Variants in TRAPPC9 observed in about 807,000 individuals in gnomAD.
TRAPPC9 encodes trafficking protein particle complex subunit 9, also known as IKK2 binding protein.
TRAPPC9 carries 83 observed loss-of-function variants against 124.0 expected under a neutral mutation model. That is an observed-to-expected ratio of 0.67 (90% CI 0.56 to 0.80). The LOEUF (loss-of-function observed/expected upper bound fraction) is 0.80. TRAPPC9 is among the 30% of genes least tolerant of loss of function. The pLI, the probability that TRAPPC9 is intolerant of heterozygous loss-of-function variation, is 0.00. For missense variants in TRAPPC9, 1,302 were observed against 1,508.3 expected (o/e 0.86, Z 2.27); for synonymous variants, 638 against 617.5 (o/e 1.03, Z -0.49).
chr8:139,920,673 G>A (rs1011787483), intron 19 of TRAPPC9, among the ~76,000 whole-genome samples: 1 of 152,242 alleles, frequency 6.6e-6, no homozygotes, highest in Non-Finnish European at 1.5e-5. Flanking sequence ...GAGAACCAGA[G>A]TGTTTCCTTG....
chr8:140,158,037 G>C (rs1415689722), intron 17 of TRAPPC9, among the ~76,000 whole-genome samples: 3 of 152,022 alleles, frequency 2.0e-5, no homozygotes, highest in Admixed American at 6.6e-5. Flanking sequence ...CATTTATGTT[G>C]CTTCTGATAA....
chr8:140,036,800 C>T (rs945641765), intron 17 of TRAPPC9, among the ~76,000 whole-genome samples: 22 of 152,090 alleles, frequency 1.4e-4, no homozygotes, highest in African/African-American at 4.8e-4. Context: ...TAAGATGCCG[C>T]GTGTGTGTTT....
intron 14 of TRAPPC9, among the ~76,000 whole-genome samples, chr8:140,283,003 C>T (rs1168964703): frequency 6.6e-6 from 1 of 151,972 alleles, no homozygotes; most frequent in Non-Finnish European, 1.5e-5. Context: ...TTTGGGAGGC[C>T]AAGATGGGTG....
Position 139,910,140 on chromosome 8 carries a change from AG to A in TRAPPC9, c.2964+6del. On this transcript the variant is annotated splice_donor_region_variant and intron_variant, in intron 20 of 22. Transcript: ENST00000438773. ...CCCAGGCCCAGGTGGCCCCTGGAAA[AG>A]GATATGATTCTCCAGCAGATGCCCA... 1 of 1,613,692 alleles carries A rather than the reference AG, an allele frequency of 6.2e-7. No homozygotes were observed. Among genetic ancestry groups the A allele is most frequent in the South Asian group, 1.1e-5 (1 of 91,082 alleles).
chr8:139,789,555 T>C (rs1203505932), intron 21 of TRAPPC9, among the ~76,000 whole-genome samples: 1 of 152,160 alleles, frequency 6.6e-6, no homozygotes, highest in Non-Finnish European at 1.5e-5. Flanking sequence ...GAGCTTCCTA[T>C]GGGCCCAGCA....
intron 19 of TRAPPC9, among the ~76,000 whole-genome samples, chr8:139,911,898 C>T (rs1563916436): frequency 6.6e-6 from 1 of 152,032 alleles, no homozygotes; most frequent in Non-Finnish European, 1.5e-5. Flanking sequence ...TCCACGACAG[C>T]TTGGGAAAGA....
At chr8:139,875,783 C>T (rs1383487306) in intron 21 of TRAPPC9, among the ~76,000 whole-genome samples, 1 of 152,272 alleles carries the variant, frequency 6.6e-6, no homozygotes, top group Non-Finnish European at 1.5e-5. Context: ...CCACCCAGTT[C>T]ACCTGCCCCA....
At chr8:140,076,498 G>C (rs1178988639) in intron 17 of TRAPPC9, among the ~76,000 whole-genome samples, 1 of 152,250 alleles carries the variant, frequency 6.6e-6, no homozygotes, top group African/African-American at 2.4e-5. Context: ...GTCAAAGGAA[G>C]AGTGCAGAGG....
At chr8:139,771,038 A>G (rs529099997) in intron 21 of TRAPPC9, among the ~76,000 whole-genome samples, 1 of 152,252 alleles carries the variant, frequency 6.6e-6, no homozygotes, top group South Asian at 2.1e-4. Context: ...GGACGCCAAC[A>G]TGCTGGAGAC....
intron 21 of TRAPPC9, among the ~76,000 whole-genome samples, chr8:139,853,421 C>T (rs1307007578): frequency 6.6e-6 from 1 of 152,316 alleles, no homozygotes; most frequent in East Asian, 1.9e-4. Context: ...ATCTTATTCA[C>T]CAAAGAGACT....
intron 21 of TRAPPC9, among the ~76,000 whole-genome samples, chr8:139,792,545 G>A (rs1038591901): frequency 3.9e-5 from 6 of 152,158 alleles, no homozygotes; most frequent in African/African-American, 7.2e-5. Flanking sequence ...GGTGGCAGAC[G>A]CCTGGATGTG....
intron 15 of TRAPPC9, among the ~76,000 whole-genome samples, chr8:140,273,088 C>G (rs1588068045): frequency 1.3e-5 from 2 of 152,278 alleles, no homozygotes; most frequent in African/African-American, 4.8e-5. Flanking sequence ...AACAGTAGGG[C>G]CAGACAGTGC....
intron 9 of TRAPPC9, among the ~76,000 whole-genome samples, chr8:140,327,074 G>A (rs1327800299): frequency 1.3e-5 from 2 of 152,086 alleles, no homozygotes; most frequent in African/African-American, 4.8e-5. Context: ...CCAATATGGT[G>A]AAACCCCGTC....
rs780515550 is a variant in TRAPPC9, at chr8:140,242,890, G to T, written c.2431+9887C>A. On this transcript the variant is annotated intron_variant, in intron 16 of 22. Coordinates refer to ENST00000438773, the MANE Select transcript of TRAPPC9 (RefSeq NM_001160372.4). ...GGATGAGTAAGTGGCAACCACGGAG[G>T]GGGAGGGAGGTTAAAAGCCTGATTT... Among the ~76,000 whole-genome samples the T allele has an allele frequency of 1.2e-3, 183 of 152,200 alleles. 2 individuals carry two copies. The highest frequency in any genetic ancestry group is 1.5e-3 in the Non-Finnish European group (103 of 68,028).
intron 17 of TRAPPC9, among the ~76,000 whole-genome samples, chr8:140,136,653 T>C (rs1365780619): frequency 6.6e-6 from 1 of 152,096 alleles, no homozygotes; most frequent in Non-Finnish European, 1.5e-5. Context: ...GCCTGGCCAA[T>C]ACGGTGAAAC....
intron 19 of TRAPPC9, among the ~76,000 whole-genome samples, chr8:139,955,159 CCACCAGCTG>C (rs1000333610): frequency 1.2e-4 from 18 of 152,102 alleles, no homozygotes; most frequent in African/African-American, 4.3e-4. Flanking sequence ...AAAGCCTCTG[CCACCAGCTG>C]CACCAGCCAT....
chr8:139,843,581 C>T (rs555362980), intron 21 of TRAPPC9, among the ~76,000 whole-genome samples: 1 of 152,252 alleles, frequency 6.6e-6, no homozygotes, highest in Non-Finnish European at 1.5e-5. Context: ...CAGGTGAGCC[C>T]CACGTAATCA....
At chr8:139,799,355 G>A (rs1258201533) in intron 21 of TRAPPC9, among the ~76,000 whole-genome samples, 1 of 152,096 alleles carries the variant, frequency 6.6e-6, no homozygotes, top group Non-Finnish European at 1.5e-5. Context: ...CAGGTAACAT[G>A]CACACGATCC....
At chr8:139,921,078 C>G (rs903323797) in intron 19 of TRAPPC9, among the ~76,000 whole-genome samples, 2 of 152,246 alleles carry the variant, frequency 1.3e-5, no homozygotes, top group African/African-American at 4.8e-5. Flanking sequence ...CCCCATCACA[C>G]TCATGTAATT....
Sources: gnomAD v4.1 joint callset for allele counts (sites outside exome capture counted in the v4.1 genomes callset) on GRCh38, gnomAD v4.1.1 for gene constraint, MANE v1.5 for transcripts, NCBI Gene and HGNC (gene_info 2026-07-23, HGNC 2026-07-21) for gene names.